The following RTKN2 variants were observed in gnomAD, a reference collection of about 807,000 sequenced individuals.
RTKN2 encodes rhotekin-2.
In RTKN2, 69 loss-of-function variants were observed where a neutral mutation model predicts 71.5. That is an observed-to-expected ratio of 0.96 (90% confidence interval 0.79 to 1.18). The LOEUF (loss-of-function observed/expected upper bound fraction) is 1.18. Among genes scored for constraint, RTKN2 ranks in the 50% most tolerant of loss-of-function variants. The pLI is 0.00. For missense variants in RTKN2, 724 were observed against 719.7 expected (o/e 1.01, Z -0.07); for synonymous variants, 236 against 236.5 (o/e 1.00, Z 0.02).
chr10:62,230,882 A>G (rs1427743028), intron 6 of RTKN2, among the ~76,000 whole-genome samples: 3 of 152,218 alleles, frequency 2.0e-5, no homozygotes, highest in Non-Finnish European at 4.4e-5. Flanking sequence ...AAACTGGAAG[A>G]ATTTTGAGTG....
Position 62,246,070 on chromosome 10 carries a change from A to T in RTKN2, c.258-13T>A. 6.4e-7 allele frequency: 1 copy of T among 1,550,832 alleles called. No individual in the cohort carries two copies. Among genetic ancestry groups the T allele is most frequent in the Non-Finnish European group, 8.8e-7 (1 of 1,139,810 alleles). ...AAATTTCACATCACTGTCAAAACAA[A>T]AAAACTTATGGAAAAAAGATCTTTT... is the stretch of plus-strand genomic sequence containing the variant. On this transcript the variant is annotated splice_polypyrimidine_tract_variant and intron_variant, in intron 2 of 11. Coordinates refer to ENST00000373789, the MANE Select transcript of RTKN2 (RefSeq NM_145307.4).
chr10:62,227,097 G>C (rs1182822818), intron 6 of RTKN2, among the ~76,000 whole-genome samples: 1 of 152,148 alleles, frequency 6.6e-6, no homozygotes, highest in Non-Finnish European at 1.5e-5. Flanking sequence ...ACAATAAGTG[G>C]GGTGCCTTCA....
intron 11 of RTKN2, 49 bp from the exon 12 acceptor site, chr10:62,198,492 T>C (rs779587131): frequency 1.6e-6 from 2 of 1,275,408 alleles, no homozygotes; most frequent in African/African-American, 1.5e-5. Flanking sequence ...AAAAGCAGTA[T>C]GTACTTTATC....
intron 9 of RTKN2, among the ~76,000 whole-genome samples, chr10:62,210,385 T>C (rs1007976): frequency 0.58 from 88,486 of 152,008 alleles, 26,250 homozygotes; most frequent in East Asian, 0.9. Context: ...AGAGTACACA[T>C]GGGTTCATTT....
intron 5 of RTKN2, among the ~76,000 whole-genome samples, chr10:62,236,970 T>C (rs1469725304): frequency 1.3e-5 from 2 of 151,266 alleles, no homozygotes; most frequent in Non-Finnish European, 3.0e-5. Flanking sequence ...GGGCAAGGAC[T>C]GGGGGAGAGG....
At chr10:62,208,352 A>G (rs1352688725) in intron 9 of RTKN2, among the ~76,000 whole-genome samples, 3 of 142,782 alleles carry the variant, frequency 2.1e-5, no homozygotes, top group African/African-American at 8.1e-5. Context: ...TTTTCAAATA[A>G]ATGGCTGACT....
At chr10:62,224,842 T>C (rs544571642) in intron 6 of RTKN2, among the ~76,000 whole-genome samples, 32 of 152,098 alleles carry the variant, frequency 2.1e-4, no homozygotes, top group African/African-American at 7.0e-4. Flanking sequence ...GTGTGGCTAG[T>C]GCACAGCAAG....
chr10:62,231,999 A>G (rs1842159000), intron 6 of RTKN2, among the ~76,000 whole-genome samples: 1 of 152,218 alleles, frequency 6.6e-6, no homozygotes, highest in South Asian at 2.1e-4. Flanking sequence ...TTCACACTAC[A>G]GTGTCAACAG....
chr10:62,185,916 T>G (rs1389186954), intron 8 of RTKN2, among the ~76,000 whole-genome samples: 49 of 152,218 alleles, frequency 3.2e-4, no homozygotes, highest in Admixed American at 3.1e-3. Flanking sequence ...TTCTTGGAAT[T>G]TTACGGTTTT....
downstream of RTKN2, among the ~76,000 whole-genome samples, chr10:62,190,183 C>T (rs561315604): frequency 6.6e-6 from 1 of 152,272 alleles, no homozygotes; most frequent in South Asian, 2.1e-4. Context: ...CAAAGGAATA[C>T]ATCAAGTGAC....
chr10:62,235,776 A>C (rs2130778), intron 6 of RTKN2, among the ~76,000 whole-genome samples: 115,167 of 151,758 alleles, frequency 0.76, 43,792 homozygotes, highest in East Asian at 0.9. Context: ...CAAATATTCC[A>C]AAATCTGAAA....
Position 62,197,503 on chromosome 10 carries a change from A to C in RTKN2, c.*405T>G. 1 of 988,758 alleles carries C rather than the reference A, an allele frequency of 1.0e-6. No individual in the cohort carries two copies. Among genetic ancestry groups the C allele is most frequent in the Non-Finnish European group, 1.2e-6 (1 of 831,668 alleles). The allele number at this position is 988,758 out of a possible 1,614,324, so 61.2% of individuals were successfully genotyped here. A position where few individuals can be genotyped will look rare whatever the true frequency, so the allele number is the denominator to read the frequency against. ...GTGGTTTGAATAAAACCTTTGAAAC[A>C]TTCCATTAGTATTAAAATTCTCACA... On this transcript the variant is annotated 3_prime_UTR_variant, in exon 12 of 12. Transcript: ENST00000373789.
chr10:62,188,964 G>T (rs1425032783), downstream of RTKN2, among the ~76,000 whole-genome samples: 2 of 151,584 alleles, frequency 1.3e-5, no homozygotes, highest in African/African-American at 2.4e-5. Context: ...TAGCCAGGAT[G>T]ATCTCGATCT....
At chr10:62,229,250 C>G (rs964542826) in intron 6 of RTKN2, among the ~76,000 whole-genome samples, 1 of 152,034 alleles carries the variant, frequency 6.6e-6, no homozygotes, top group Non-Finnish European at 1.5e-5. Flanking sequence ...AAGGGAAGAA[C>G]CTGGAAATGT....
At chr10:62,236,831 T>C (rs1276473929) in intron 5 of RTKN2, among the ~76,000 whole-genome samples, 4 of 151,774 alleles carry the variant, frequency 2.6e-5, no homozygotes, top group African/African-American at 9.7e-5. Flanking sequence ...ACGGATGAAC[T>C]TGGAGGATAT....
chr10:62,237,757 G>C (rs576087591), intron 5 of RTKN2, among the ~76,000 whole-genome samples: 4 of 151,396 alleles, frequency 2.6e-5, no homozygotes, highest in Non-Finnish European at 5.9e-5. Context: ...TGGTTATACA[G>C]GGGAAAAATG....
At chr10:62,218,090 A>C (rs1360644958) in intron 8 of RTKN2, 105 bp downstream of exon 8, 1 of 713,698 alleles carries the variant, frequency 1.4e-6, no homozygotes, top group African/African-American at 1.8e-5. Flanking sequence ...CATTTAAAAA[A>C]AGACTTAAAA....
intron 2 of RTKN2, among the ~76,000 whole-genome samples, chr10:62,249,491 G>T: frequency 6.6e-6 from 1 of 151,966 alleles, no homozygotes; most frequent in Admixed American, 6.6e-5. Context: ...CGTCTACTTT[G>T]TTCAGTGCTC....
chr10:62,241,207 G>A lies in RTKN2; in HGVS notation c.317-12C>T. On this transcript the variant is annotated splice_polypyrimidine_tract_variant and intron_variant, in intron 3 of 11. Transcript: ENST00000373789. ...TGGTATTCGAATATCTATAAAGAAG[G>A]GAAAAAGAAATGACAAGTAATAATT... 1 of 1,534,680 alleles carries A rather than the reference G, an allele frequency of 6.5e-7. No individual in the cohort carries two copies. Among genetic ancestry groups the A allele is most frequent in the South Asian group, 1.2e-5 (1 of 85,978 alleles).
Sources: allele counts gnomAD v4.1 joint callset (sites outside exome capture counted in the v4.1 genomes callset), GRCh38; gene constraint gnomAD v4.1.1; transcripts MANE v1.5; gene names NCBI Gene and HGNC (gene_info 2026-07-23, HGNC 2026-07-21).